CMYA5: variants seen among roughly 807,000 people sequenced by gnomAD.
The protein encoded by CMYA5 is cardiomyopathy-associated protein 5.
CMYA5 carries 246 observed loss-of-function variants against 318.9 expected under a neutral mutation model. The observed-to-expected ratio is 0.77, with a 90% CI of 0.70 to 0.86. The LOEUF is 0.86. Among genes scored for constraint, CMYA5 ranks in the 40% least tolerant of loss-of-function variants. The probability of loss-of-function intolerance (pLI) is 0.00; values close to 1 mark genes in which losing one functional copy is unlikely to be tolerated. For synonymous variants in CMYA5, 1,641 were observed against 1,729.5 expected, an observed-to-expected ratio of 0.95 and a Z score of 1.27; for missense variants, 4,589 against 4,678.2, an observed-to-expected ratio of 0.98 and a Z score of 0.56.
chr5:79,790,859 G>A, intron 10 of CMYA5, 111 bp from the exon 11 acceptor site: 1 of 685,798 alleles, frequency 1.5e-6, no homozygotes, highest in Non-Finnish European at 2.5e-6. Flanking sequence ...CACTTCGTGG[G>A]GGATTTTGAC....
At chr5:79,760,047 T>C (rs1828618050) in intron 7 of CMYA5, among the ~76,000 whole-genome samples, 1 of 152,210 alleles carries the variant, frequency 6.6e-6, no homozygotes, top group Non-Finnish European at 1.5e-5. Context: ...CAAACACACA[T>C]CTTTCAGGCT....
chr5:79,791,519 G>C (rs1223261317), intron 11 of CMYA5, among the ~76,000 whole-genome samples: 2 of 152,018 alleles, frequency 1.3e-5, no homozygotes, highest in Non-Finnish European at 2.9e-5. Flanking sequence ...TCAGGAGTTT[G>C]AGACCAGCCT....
chr5:79,778,898 T>A (rs1232876752), intron 9 of CMYA5, among the ~76,000 whole-genome samples: 11 of 127,078 alleles, frequency 8.7e-5, no homozygotes, highest in Non-Finnish European at 1.2e-4. Context: ...TTATTTATTT[T>A]TATTTTTTTT....
intron 1 of CMYA5, among the ~76,000 whole-genome samples, chr5:79,707,401 AATG>A (rs1176737244): frequency 1.3e-5 from 2 of 152,234 alleles, no homozygotes; most frequent in East Asian, 1.9e-4. Context: ...ATGAATAATA[AATG>A]ATGATGAATC....
chr5:79,776,320 A>G (rs372731667), intron 9 of CMYA5, among the ~76,000 whole-genome samples: 4 of 152,306 alleles, frequency 2.6e-5, no homozygotes, highest in African/African-American at 9.6e-5. Context: ...TTATTTACCA[A>G]CTTTTTAAGA....
intron 6 of CMYA5, among the ~76,000 whole-genome samples, chr5:79,756,670 G>A (rs1030285199): frequency 2.0e-5 from 3 of 151,954 alleles, no homozygotes; most frequent in Non-Finnish European, 2.9e-5. Context: ...GCTCTTTATC[G>A]CTGTTGCATC....
Position 79,733,958 on chromosome 5 carries a change from T to C in CMYA5, c.5193T>C (p.Ser1731=), listed in dbSNP as rs1455300691. Residue 1731 remains serine, a synonymous_variant, in exon 2 of 13, where the codon TCT becomes TCC. Transcript: ENST00000446378. ...ISLESKEPPA[S]VAEGGNPEEF... Reference sequence around the variant, plus strand: ...TAGAGTCGAAAGAACCACCTGCCTCTGTAGCTGAAGGAGGCAACCCAGAAG... The same window carrying C: ...TAGAGTCGAAAGAACCACCTGCCTCCGTAGCTGAAGGAGGCAACCCAGAAG... 1 of 1,613,552 alleles carries C rather than the reference T, an allele frequency of 6.2e-7. No homozygotes were observed. The highest frequency in any genetic ancestry group is 2.2e-5 in the East Asian group (1 of 44,874).
chr5:79,741,318 A>C (rs982026448), intron 2 of CMYA5, among the ~76,000 whole-genome samples: 1 of 152,232 alleles, frequency 6.6e-6, no homozygotes, highest in Admixed American at 6.5e-5. Context: ...GCTGGTACCC[A>C]GATCTTTCTG....
At position 79,691,206 on chromosome 5, in the gene CMYA5, G is replaced by A. The variant is rs79971095; in HGVS notation, c.149+1150G>A. 9.6e-3 allele frequency among the ~76,000 whole-genome samples: 1,463 copies of A among 152,308 alleles called. 28 individuals carry two copies. The highest frequency in any genetic ancestry group is 0.031 in the African/African-American group (1,309 of 41,568). ...GAGCTGCCTTGAAGTAGTGGGCAGGGACTACAAACAGGAAGAGCAGAGGAG... is the reference window on the plus strand; with the variant it reads ...GAGCTGCCTTGAAGTAGTGGGCAGGAACTACAAACAGGAAGAGCAGAGGAG... On this transcript the variant is annotated intron_variant, in intron 1 of 12. Coordinates refer to ENST00000446378, the MANE Select transcript of CMYA5 (RefSeq NM_153610.5).
intron 1 of CMYA5, among the ~76,000 whole-genome samples, chr5:79,709,792 T>C (rs1377561836): frequency 1.3e-5 from 2 of 150,592 alleles, no homozygotes; most frequent in East Asian, 3.9e-4. Context: ...ACCCCGTGTC[T>C]ACAAAAATAC....
At chr5:79,769,016 C>A (rs1159183240) in intron 9 of CMYA5, among the ~76,000 whole-genome samples, 1 of 151,988 alleles carries the variant, frequency 6.6e-6, no homozygotes, top group African/African-American at 2.4e-5. Context: ...TCCCTCTAAT[C>A]TTGTCCTCAT....
chr5:79,726,976 C>T (rs1307525166), intron 1 of CMYA5, among the ~76,000 whole-genome samples: 6 of 132,160 alleles, frequency 4.5e-5, no homozygotes, highest in South Asian at 4.6e-4. Flanking sequence ...AGTGCAGTGG[C>T]GTGATCTCAG....
At chr5:79,705,107 A>G (rs956461170) in intron 1 of CMYA5, among the ~76,000 whole-genome samples, 2 of 152,064 alleles carry the variant, frequency 1.3e-5, no homozygotes, top group African/African-American at 2.4e-5. Context: ...CCCTGTCTCT[A>G]CTAAAAATAC....
intron 12 of CMYA5, among the ~76,000 whole-genome samples, chr5:79,797,626 A>G (rs1263973889): frequency 2.6e-5 from 4 of 152,092 alleles, no homozygotes; most frequent in African/African-American, 9.7e-5. Context: ...CACTATCTCC[A>G]CATCTGAGTA....
Position 79,698,017 on chromosome 5 carries a change from T to C in CMYA5, c.149+7961T>C, listed in dbSNP as rs573638549. 5.3e-5 allele frequency among the ~76,000 whole-genome samples: 8 copies of C among 152,330 alleles called. No individual in the cohort carries two copies. In the East Asian group the frequency reaches 1.5e-3, roughly 29 times the overall value. On this transcript the variant is annotated intron_variant, in intron 1 of 12. Transcript: ENST00000446378. Reference sequence around the variant, plus strand: ...CCAAAGATAGTAGCACCCAAATAACTTCCTTATATGCTGTATGGGATCATG... The same window carrying C: ...CCAAAGATAGTAGCACCCAAATAACCTCCTTATATGCTGTATGGGATCATG...
At chr5:79,756,536 G>A (rs983839462) in intron 6 of CMYA5, among the ~76,000 whole-genome samples, 1 of 152,214 alleles carries the variant, frequency 6.6e-6, no homozygotes, top group Admixed American at 6.5e-5. Flanking sequence ...GGGAAACTGA[G>A]GCTGAGATAA....
rs771402846 is a variant in CMYA5, at chr5:79,738,695, T to C, written c.9930T>C (p.His3310=). ...ATGGGGAAGGAGAATCAGTAGACCA[T>C]GTGGAGACCGTTGGTAACGTAGCGA... ...GVYGEGESVD[H]VETVGNVAMQ... is the part of the protein sequence containing the mutation. Residue 3310 remains histidine (H), a synonymous_variant, in exon 2 of 13, where the codon CAT becomes CAC. Transcript: ENST00000446378. The C allele has an allele frequency of 2.5e-6, 4 of 1,613,738 alleles. No homozygotes were observed. The highest frequency in any genetic ancestry group is 4.5e-5 in the East Asian group (2 of 44,884).
chr5:79,745,498 C>G (rs371357132), intron 4 of CMYA5, 43 bp downstream of exon 4: 72 of 1,201,294 alleles, frequency 6.0e-5, no homozygotes, highest in Admixed American at 1.1e-4. Flanking sequence ...TGCGCCCACT[C>G]TGGCACATCT....
chr5:79,705,667 A>G lies in CMYA5; in HGVS notation c.149+15611A>G, dbSNP rs557498961. Reference sequence around the variant, plus strand: ...ATTGACCTAACACCAACTTAAGCATATATCATCCAGGAGCTGGTAGAGAAA... The same window carrying G: ...ATTGACCTAACACCAACTTAAGCATGTATCATCCAGGAGCTGGTAGAGAAA... On this transcript the variant is annotated intron_variant, in intron 1 of 12. Transcript: ENST00000446378. 2.0e-5 allele frequency among the ~76,000 whole-genome samples: 3 copies of G among 152,256 alleles called. No individual in the cohort carries two copies. In the East Asian group the frequency reaches 5.8e-4, roughly 29 times the overall value.
Sources: gnomAD v4.1 joint callset for allele counts (sites outside exome capture counted in the v4.1 genomes callset) on GRCh38, gnomAD v4.1.1 for gene constraint, MANE v1.5 for transcripts, NCBI Gene and HGNC (gene_info 2026-07-23, HGNC 2026-07-21) for gene names.